Variants in PAWR observed in about 807,000 individuals in gnomAD.
The protein encoded by PAWR is pro-apoptotic WT1 regulator.
A neutral mutation model predicts 32.0 loss-of-function variants in PAWR; 23 were observed. The ratio of observed to expected loss-of-function variants is 0.72; its 90% CI spans 0.52 to 1.02. The LOEUF is 1.02. PAWR is among the 50% of genes least tolerant of loss of function. PAWR has a pLI of 0.00. For synonymous variants in PAWR, 226 were observed against 187.1 expected (o/e 1.21, Z -1.70); for missense variants, 457 against 437.7 (o/e 1.04, Z -0.39).
At chr12:79,630,519 T>A (rs773637729) in intron 2 of PAWR, among the ~76,000 whole-genome samples, 2 of 152,138 alleles carry the variant, frequency 1.3e-5, no homozygotes, top group African/African-American at 2.4e-5. Context: ...CCCAGGCTGG[T>A]CTTGAACTCC....
chr12:79,589,805 C>T lies in PAWR; in HGVS notation c.*2802G>A, dbSNP rs1000280201. 1 of 152,078 alleles carries T rather than the reference C, an allele frequency of 6.6e-6. No homozygotes were observed. The highest frequency in any genetic ancestry group is 1.5e-5 in the Non-Finnish European group (1 of 68,008). The allele number at this position is 152,078 out of a possible 1,614,324, so 9.4% of individuals were successfully genotyped here. A position where few individuals can be genotyped will look rare whatever the true frequency, so the allele number is the denominator to read the frequency against. ...TAAATACATTAGAACTTTGAATGTG[C>T]TTTATTATGCCACAAATTCCCAGGA... On this transcript the variant is annotated 3_prime_UTR_variant, in exon 7 of 7. Transcript: ENST00000328827.
intron 2 of PAWR, among the ~76,000 whole-genome samples, chr12:79,686,585 AT>A (rs536643357): frequency 2.6e-5 from 4 of 152,136 alleles, no homozygotes; most frequent in African/African-American, 9.7e-5. Flanking sequence ...ATGAGCAAAC[AT>A]TTTTTTAAAG....
In PAWR at chr12:79,668,667, A is replaced by G. The variant is rs1432793382; in HGVS notation, c.516+21062T>C. ...AGGGTTCGTGTTCCTATGAGAATCT[A>G]AGGGTGCCGCTCATCTGTCAGGAGG... On this transcript the variant is annotated intron_variant, in intron 2 of 6. Transcript: ENST00000328827. 2.6e-5 allele frequency among the ~76,000 whole-genome samples: 4 copies of G among 152,206 alleles called. No homozygotes were observed. In the East Asian group the frequency reaches 7.7e-4, roughly 29 times the overall value.
intron 2 of PAWR, among the ~76,000 whole-genome samples, chr12:79,653,048 T>C (rs1227730194): frequency 1.3e-5 from 2 of 152,226 alleles, no homozygotes; most frequent in Non-Finnish European, 2.9e-5. Context: ...TTTATTTGTT[T>C]GTTTGTTTTT....
chr12:79,684,228 T>C (rs529695431), intron 2 of PAWR, among the ~76,000 whole-genome samples: 1 of 152,240 alleles, frequency 6.6e-6, no homozygotes, highest in Admixed American at 6.5e-5. Flanking sequence ...TTTATACTTA[T>C]AAAACATTAT....
chr12:79,682,698 C>A (rs1057046668), intron 2 of PAWR, among the ~76,000 whole-genome samples: 1 of 152,082 alleles, frequency 6.6e-6, no homozygotes, highest in Non-Finnish European at 1.5e-5. Flanking sequence ...TTTTACATAG[C>A]CTAAGGAGAA....
chr12:79,647,756 G>A (rs1264325748), intron 2 of PAWR, among the ~76,000 whole-genome samples: 2 of 152,028 alleles, frequency 1.3e-5, no homozygotes, highest in East Asian at 3.9e-4. Context: ...AGTTGAACAT[G>A]AAAAAAAGTA....
rs1361556504 is a variant in PAWR, at chr12:79,589,789, T to C, written c.*2818A>G. ...TTTGAAAATGAGCTCATAAATACAT[T>C]AGAACTTTGAATGTGCTTTATTATG... On this transcript the variant is annotated 3_prime_UTR_variant, in exon 7 of 7. Coordinates refer to ENST00000328827, the MANE Select transcript of PAWR (RefSeq NM_002583.4). 1 of 152,174 alleles carries C rather than the reference T, an allele frequency of 6.6e-6. No homozygotes were observed. The highest frequency in any genetic ancestry group is 2.4e-5 in the African/African-American group (1 of 41,448). 9.4% of individuals were successfully genotyped at this position (152,174 alleles called of 1,614,324 possible).
intron 2 of PAWR, among the ~76,000 whole-genome samples, chr12:79,639,884 T>TCCTATTCCTATTCCCATTC (rs1403328612): frequency 1.3e-5 from 1 of 77,598 alleles, no homozygotes; most frequent in African/African-American, 3.7e-5. Context: ...CTATTCCTAT[T>TCCTATTCCTATTCCCATTC]CCATTCCATT....
At chr12:79,592,796 T>TG (rs1170182155) in intron 6 of PAWR, 103 bp from the exon 7 acceptor site, 1 of 561,672 alleles carries the variant, frequency 1.8e-6, no homozygotes, top group Non-Finnish European at 3.1e-6. Flanking sequence ...CAATTAATTT[T>TG]GAAATGAGGG....
intron 3 of PAWR, among the ~76,000 whole-genome samples, chr12:79,616,553 G>A (rs1011367392): frequency 1.3e-5 from 2 of 152,104 alleles, no homozygotes; most frequent in African/African-American, 4.8e-5. Context: ...ATGTAAAATG[G>A]AGGGCATTTT....
At position 79,586,921 on chromosome 12, in the gene PAWR, C is replaced by A. The variant is rs915806777; in HGVS notation, c.*5686G>T. Reference sequence around the variant, plus strand: ...CAGTCTCTCTCTTTAATATGAAGGCCCAACATTACATAATTCTTTTTAAGA... The same window carrying A: ...CAGTCTCTCTCTTTAATATGAAGGCACAACATTACATAATTCTTTTTAAGA... On this transcript the variant is annotated 3_prime_UTR_variant, in exon 7 of 7. Transcript: ENST00000328827. 2 of 151,904 alleles carry A rather than the reference C, an allele frequency of 1.3e-5. No individual in the cohort carries two copies. The highest frequency in any genetic ancestry group is 4.8e-5 in the African/African-American group (2 of 41,338). 9.4% of individuals were successfully genotyped at this position (151,904 alleles called of 1,614,324 possible).
intron 2 of PAWR, among the ~76,000 whole-genome samples, chr12:79,628,733 A>G (rs1005797087): frequency 2.0e-5 from 3 of 152,194 alleles, no homozygotes; most frequent in East Asian, 3.8e-4. Context: ...TGGTCAATAC[A>G]TGAATAAATA....
Position 79,690,300 on chromosome 12 carries a change from C to T in PAWR, c.-56G>A, listed in dbSNP as rs1290988569. The T allele has an allele frequency of 7.2e-7, 1 of 1,386,926 alleles. No individual in the cohort carries two copies. The highest frequency in any genetic ancestry group is 9.3e-7 in the Non-Finnish European group (1 of 1,071,436). 85.9% of individuals were successfully genotyped at this position (1,386,926 alleles called of 1,614,324 possible). ...TCAGGCCGCCCACCAGGGCTCCGGCCGCTGCCTCCTCTTCCTTCCTGCGGC... is the reference window on the plus strand; with the variant it reads ...TCAGGCCGCCCACCAGGGCTCCGGCTGCTGCCTCCTCTTCCTTCCTGCGGC... On this transcript the variant is annotated 5_prime_UTR_variant, in exon 2 of 7. Transcript: ENST00000328827.
intron 4 of PAWR, among the ~76,000 whole-genome samples, chr12:79,599,037 C>CT: frequency 6.6e-6 from 1 of 152,290 alleles, no homozygotes; most frequent in Non-Finnish European, 1.5e-5. Flanking sequence ...GCCCGGCCAA[C>CT]TGACATTCCT....
At chr12:79,594,185 G>A in intron 6 of PAWR, 144 bp downstream of exon 6, 2 of 520,844 alleles carry the variant, frequency 3.8e-6, no homozygotes, top group Non-Finnish European at 6.7e-6. Flanking sequence ...GTTTTTGGAA[G>A]AAAATGATAC....
At chr12:79,631,288 T>C (rs1022128676) in intron 2 of PAWR, among the ~76,000 whole-genome samples, 5 of 152,142 alleles carry the variant, frequency 3.3e-5, no homozygotes, top group African/African-American at 1.2e-4. Flanking sequence ...CCACTTCTAT[T>C]CAGTATCTAT....
chr12:79,688,245 T>G (rs1051618315), intron 2 of PAWR: 2 of 151,748 alleles, frequency 1.3e-5, no homozygotes, highest in African/African-American at 2.4e-5. Flanking sequence ...AAAAAAGTAC[T>G]TGAAAAATAA....
At chr12:79,655,364 A>T (rs1465065531) in intron 2 of PAWR, among the ~76,000 whole-genome samples, 1 of 152,228 alleles carries the variant, frequency 6.6e-6, no homozygotes, top group Non-Finnish European at 1.5e-5. Flanking sequence ...AAATCTAAAT[A>T]TGAAATGACA....
Sources: gnomAD v4.1 joint callset for allele counts (sites outside exome capture counted in the v4.1 genomes callset) on GRCh38, gnomAD v4.1.1 for gene constraint, MANE v1.5 for transcripts, NCBI Gene and HGNC (gene_info 2026-07-23, HGNC 2026-07-21) for gene names.